CPAMD8: variants seen among roughly 807,000 people sequenced by gnomAD.
CPAMD8 encodes the protein C3 and PZP-like alpha-2-macroglobulin domain-containing protein 8.
In CPAMD8, 146 loss-of-function variants were observed where a neutral mutation model predicts 224.7. The ratio of observed to expected loss-of-function variants is 0.65; its 90% CI spans 0.57 to 0.75. The LOEUF is 0.75. Ranked by LOEUF, CPAMD8 falls within the 30% of genes least tolerant of loss-of-function variation. The pLI is 0.00. For missense variants in CPAMD8, 2,301 were observed against 2,537.5 expected, an observed-to-expected ratio of 0.91 and a Z score of 2.00; for synonymous variants, 966 against 1,044.6, an observed-to-expected ratio of 0.92 and a Z score of 1.45.
At chr19:16,936,029 G>A (rs1241661971) in intron 23 of CPAMD8, among the ~76,000 whole-genome samples, 3 of 151,814 alleles carry the variant, frequency 2.0e-5, no homozygotes, top group African/African-American at 7.3e-5. Context: ...TCAGGGTCAA[G>A]CAATCCTCCC....
chr19:17,008,816 G>C, intron 6 of CPAMD8: 1 of 539,778 alleles, frequency 1.9e-6, no homozygotes, highest in Non-Finnish European at 3.3e-6. Flanking sequence ...GGCTGGGTGT[G>C]GTGGCTCACA....
At chr19:16,906,882 G>C (rs1240703193) in intron 30 of CPAMD8, 70 bp downstream of exon 30, 1 of 1,400,768 alleles carries the variant, frequency 7.1e-7, no homozygotes, top group East Asian at 2.5e-5. Context: ...ATATGTTCAT[G>C]AGTTGTTTAC....
intron 3 of CPAMD8, among the ~76,000 whole-genome samples, chr19:17,014,910 G>C (rs2056770756): frequency 6.6e-6 from 1 of 152,214 alleles, no homozygotes. Flanking sequence ...CCTCCAAGCA[G>C]ATCACCTGGG....
chr19:17,022,814 C>T (rs1364842161), intron 1 of CPAMD8, among the ~76,000 whole-genome samples: 1 of 152,042 alleles, frequency 6.6e-6, no homozygotes, highest in Non-Finnish European at 1.5e-5. Context: ...GGCCCAGGAC[C>T]TTTGCACATG....
chr19:16,987,817 G>C (rs2055800023), intron 13 of CPAMD8, among the ~76,000 whole-genome samples: 1 of 151,740 alleles, frequency 6.6e-6, no homozygotes, highest in African/African-American at 2.4e-5. Context: ...CATCCGGCTG[G>C]GGTTTTTTTG....
rs371510705 is a variant in CPAMD8, at chr19:16,928,933, G to T, written c.3144+9C>A. ...TTCTGCACAAGCCCCAGGCAGTTCT[G>T]CTGTATACCTGGATAAGGCCACCAC... On this transcript the variant is annotated intron_variant, in intron 24 of 41. Transcript: ENST00000443236. 3 of 1,588,198 alleles carry T rather than the reference G, an allele frequency of 1.9e-6. No homozygotes were observed. The highest frequency in any genetic ancestry group is 2.2e-5 in the East Asian group (1 of 44,656).
chr19:16,940,730 C>T (rs748856942), intron 22 of CPAMD8, among the ~76,000 whole-genome samples: 7 of 152,142 alleles, frequency 4.6e-5, no homozygotes, highest in African/African-American at 1.2e-4. Flanking sequence ...TACATCGAGC[C>T]GTCCACCTGC....
chr19:17,004,365 G>A lies in CPAMD8; in HGVS notation c.581C>T (p.Pro194Leu). The A allele has an allele frequency of 6.2e-7, 1 of 1,613,092 alleles. No homozygotes were observed. The highest frequency in any genetic ancestry group is 8.5e-7 in the Non-Finnish European group (1 of 1,179,116). ...FCCGITNMSFPLSDQPVLGEW... is the reference protein window; with the variant it reads ...FCCGITNMSFLLSDQPVLGEW... ...TCCCAACACAGGCTGGTCGGACAAG[G>A]GGAAGCTCATGTTGGTGATGCCTGT... The change falls in exon 8 of 42, where the codon CCC becomes CTC. Residue 194 changes from proline (P) to leucine (L), a missense_variant. Coordinates refer to ENST00000443236, the MANE Select transcript of CPAMD8 (RefSeq NM_015692.5).
chr19:16,928,803 T>C lies in CPAMD8; in HGVS notation c.3144+139A>G. The stretch of plus-strand genomic sequence containing the variant: ...TTTTTTTCGGTAAGCGACTCTAGAC[T>C]AAGAACAACTTGAGGTGGTGCTCCA... On this transcript the variant is annotated intron_variant, in intron 24 of 41. Coordinates refer to ENST00000443236, the MANE Select transcript of CPAMD8 (RefSeq NM_015692.5). 6.4e-6 allele frequency: 4 copies of C among 624,320 alleles called. No individual in the cohort carries two copies. In the Admixed American group the frequency reaches 1.3e-4, roughly 20 times the overall value. The allele number at this position is 624,320 out of a possible 1,614,324, so 38.7% of individuals were successfully genotyped here. A position where few individuals can be genotyped will look rare whatever the true frequency, so the allele number is the denominator to read the frequency against.
rs764817625 is a variant in CPAMD8, at chr19:16,901,286, G to T, written c.4697C>A (p.Ala1566Glu). 13 of 1,610,842 alleles carry T rather than the reference G, an allele frequency of 8.1e-6. No homozygotes were observed. The highest frequency in any genetic ancestry group is 3.3e-4 in the Middle Eastern group (2 of 6,052). Residue 1566 changes from alanine (A) to glutamate (E), a missense_variant, in exon 36 of 42, where the codon GCA becomes GAA. Ala to Glu is a moderately radical substitution (Grantham distance 107). Around this residue, in one of 4 missense-constraint regions of CPAMD8, gnomAD observed 1,709 missense variants for 1,753.2 expected, o/e 0.97. Transcript: ENST00000443236. ...CAGGACAGCCATATTGGAAGACCCT[G>T]CATGCAGCCACCTTCCAACAACAGG... is the stretch of plus-strand genomic sequence containing the variant. Reference protein sequence around the residue: ...MLEVCTRWLHAGSSNMAVLEV... With the variant: ...MLEVCTRWLHEGSSNMAVLEV...
chr19:16,917,076 A>G lies in CPAMD8; in HGVS notation c.3630-2263T>C, dbSNP rs995612629. Among the ~76,000 whole-genome samples the G allele has an allele frequency of 3.3e-5, 5 of 152,180 alleles. No individual in the cohort carries two copies. The East Asian group carries it at 9.7e-4, about 29-fold the overall frequency. On this transcript the variant is annotated intron_variant, in intron 27 of 41. Coordinates refer to ENST00000443236, the MANE Select transcript of CPAMD8 (RefSeq NM_015692.5). ...CCCACTGTAAAACGCAAACAGGATAAATGTTATCAAGTGATAAAAAGAAAT... is the reference window on the plus strand; with the variant it reads ...CCCACTGTAAAACGCAAACAGGATAGATGTTATCAAGTGATAAAAAGAAAT...
At chr19:16,946,499 GCA>G (rs2054095965) in intron 21 of CPAMD8, among the ~76,000 whole-genome samples, 1 of 132,620 alleles carries the variant, frequency 7.5e-6, no homozygotes, top group African/African-American at 3.0e-5. Context: ...ACACATGTGG[GCA>G]TGTGTGTGTG....
intron 18 of CPAMD8, among the ~76,000 whole-genome samples, chr19:16,961,271 C>T (rs961251144): frequency 2.0e-5 from 3 of 152,196 alleles, no homozygotes; most frequent in East Asian, 1.9e-4. Context: ...CAAGGGAAGC[C>T]GGGATAGACT....
chr19:16,900,187 A>C (rs1461849445), intron 36 of CPAMD8, among the ~76,000 whole-genome samples: 1 of 151,978 alleles, frequency 6.6e-6, no homozygotes, highest in African/African-American at 2.4e-5. Context: ...GGTCTGTCTT[A>C]GGGTTGTGAG....
intron 1 of CPAMD8, among the ~76,000 whole-genome samples, chr19:17,024,978 A>C (rs2057040915): frequency 6.6e-6 from 1 of 152,238 alleles, no homozygotes; most frequent in South Asian, 2.1e-4. Flanking sequence ...AGGCCAGCTA[A>C]TCTGGAATCC....
chr19:16,919,858 A>C (rs773921), intron 27 of CPAMD8, among the ~76,000 whole-genome samples: 103,506 of 152,116 alleles, frequency 0.68, 35,410 homozygotes, highest in East Asian at 0.75. Context: ...TTGGAGCCTT[A>C]TGGTAAGTAG....
chr19:16,922,388 T>G (rs991533942), intron 26 of CPAMD8, among the ~76,000 whole-genome samples: 1 of 149,888 alleles, frequency 6.7e-6, no homozygotes, highest in Non-Finnish European at 1.5e-5. Context: ...ACATCTGGGG[T>G]CCCTGAAACT....
intron 19 of CPAMD8, 96 bp downstream of exon 19, chr19:16,957,757 A>G: frequency 8.9e-7 from 1 of 1,123,956 alleles, no homozygotes; most frequent in South Asian, 1.3e-5. Context: ...AGATGTTGGT[A>G]TCAGGCCTGC....
Position 16,898,008 on chromosome 19 carries a change from G to A in CPAMD8, c.4849-14C>T. The A allele has an allele frequency of 6.3e-7, 1 of 1,596,130 alleles. No individual in the cohort carries two copies. Among genetic ancestry groups the A allele is most frequent in the Non-Finnish European group, 8.5e-7 (1 of 1,172,348 alleles). On this transcript the variant is annotated splice_polypyrimidine_tract_variant and intron_variant, in intron 37 of 41. Coordinates refer to ENST00000443236, the MANE Select transcript of CPAMD8 (RefSeq NM_015692.5). The surrounding 1 kb of genome is among the most constrained non-coding windows in gnomAD (Gnocchi z 4.2). ...CCGGCTGGGGATCTGTGGGGCAGCG[G>A]CGGGCGCAGGCTCGACCCGGGCCAG...
Sources: allele counts gnomAD v4.1 joint callset (sites outside exome capture counted in the v4.1 genomes callset), GRCh38; gene constraint gnomAD v4.1.1; regional missense constraint gnomAD v4.1.1; non-coding constraint Gnocchi (gnomAD v3.1); transcripts MANE v1.5; gene names NCBI Gene and HGNC (gene_info 2026-07-23, HGNC 2026-07-21).